Variants in DSC3 observed in about 807,000 individuals in gnomAD.
DSC3 encodes desmocollin 3, also known as desmocollin-3.
DSC3 carries 97 observed loss-of-function variants against 89.5 expected under a neutral mutation model. The ratio of observed to expected loss-of-function variants is 1.08; its 90% confidence interval spans 0.92 to 1.28. The LOEUF (loss-of-function observed/expected upper bound fraction) is 1.28. Ranked by LOEUF, DSC3 falls within the 50% of genes most tolerant of loss-of-function variation. The pLI is 0.00. For synonymous variants in DSC3, 436 were observed against 384.1 expected (o/e 1.14, Z -1.58); for missense variants, 1,199 against 1,085.3 (o/e 1.10, Z -1.47).
In DSC3 at chr18:31,020,357, G is replaced by C. The variant is rs1196538832; in HGVS notation, c.943-1557C>G. 3.3e-5 allele frequency among the ~76,000 whole-genome samples: 5 copies of C among 152,166 alleles called. No homozygotes were observed. In the East Asian group the frequency reaches 9.6e-4, roughly 29 times the overall value. ...AAAGGACACTAAAAAGGAAAGATCA[G>C]AGAAGCAGGAGGAAGACCAGAAGTC... On this transcript the variant is annotated intron_variant, in intron 7 of 15. Coordinates refer to ENST00000360428, the MANE Select transcript of DSC3 (RefSeq NM_001941.5).
chr18:31,008,257 A>T lies in DSC3; in HGVS notation c.1520+12T>A, dbSNP rs78003671. 2,702 of 1,613,580 alleles carry T rather than the reference A, an allele frequency of 1.7e-3. 45 individuals are homozygous for T. The African/African-American group carries it at 0.032, about 19-fold the overall frequency. ...ATACATTATTAGTATGTGGTTATAG[A>T]TTTATTTTTACCTTAAACCATTGCC... On this transcript the variant is annotated intron_variant, in intron 10 of 15. Transcript: ENST00000360428.
intron 1 of DSC3, among the ~76,000 whole-genome samples, chr18:31,036,353 C>T (rs1057435218): frequency 6.6e-6 from 1 of 152,066 alleles, no homozygotes; most frequent in African/African-American, 2.4e-5. Flanking sequence ...TTCTGTAAAT[C>T]ATCTATTCTT....
chr18:30,989,984 T>C lies in DSC3; in HGVS notation c.*4191A>G, dbSNP rs1984178242. ...AAAAAATCAACACAGAAAGAATAAA[T>C]TATCAATTCCATTGTCTGGAAATCA... On this transcript the variant is annotated 3_prime_UTR_variant, in exon 16 of 16. Coordinates refer to ENST00000360428, the MANE Select transcript of DSC3 (RefSeq NM_001941.5). 6.6e-6 allele frequency: 1 copy of C among 152,192 alleles called. No individual in the cohort carries two copies. The highest frequency in any genetic ancestry group is 1.5e-5 in the Non-Finnish European group (1 of 68,032). The allele number at this position is 152,192 out of a possible 1,614,324, so 9.4% of individuals were successfully genotyped here.
chr18:31,040,495 C>T (rs1986096919), intron 1 of DSC3, among the ~76,000 whole-genome samples: 6 of 151,988 alleles, frequency 3.9e-5, no homozygotes, highest in Admixed American at 3.9e-4. Flanking sequence ...TAGTATCTCC[C>T]TGTCATTTTT....
chr18:30,996,906 C>A lies in DSC3; in HGVS notation c.2378G>T (p.Arg793Leu), dbSNP rs138126171. The A allele has an allele frequency of 1.9e-6, 3 of 1,613,906 alleles. No individual in the cohort carries two copies. Among genetic ancestry groups the A allele is most frequent in the Non-Finnish European group, 2.5e-6 (3 of 1,180,016 alleles). Residue 793 changes from arginine (R) to leucine (L), a missense_variant, in exon 15 of 16, where the codon CGG becomes CTG. Arg to Leu is a moderately radical substitution (Grantham distance 102). Transcript: ENST00000360428. ...CAGGGTATGATGATGCCCAGCCCCC[C>A]GGCAGGATTCCAAGGTCTGGTTTCC... ...KGGNQTLESC[R>L]GAGHHHTLDS... is the part of the protein sequence containing the mutation.
intron 4 of DSC3, 109 bp from the exon 5 acceptor site, chr18:31,026,024 A>G: frequency 9.1e-7 from 1 of 1,096,184 alleles, no homozygotes; most frequent in East Asian, 2.6e-5. Flanking sequence ...TTTCAAAAGA[A>G]AAGGTAGAAA....
chr18:31,024,103 C>T (rs1305369747), intron 6 of DSC3, among the ~76,000 whole-genome samples: 1 of 152,064 alleles, frequency 6.6e-6, no homozygotes, highest in Non-Finnish European at 1.5e-5. Flanking sequence ...TTACACAAAG[C>T]TTGAATAACT....
intron 13 of DSC3, among the ~76,000 whole-genome samples, chr18:31,002,485 G>T (rs1314310): frequency 6.6e-6 from 1 of 151,962 alleles, no homozygotes; most frequent in Non-Finnish European, 1.5e-5. Flanking sequence ...TGGATCACCT[G>T]AGATCAGGAG....
At chr18:31,035,123 T>A (rs1985928460) in intron 1 of DSC3, among the ~76,000 whole-genome samples, 1 of 152,130 alleles carries the variant, frequency 6.6e-6, no homozygotes, top group Non-Finnish European at 1.5e-5. Context: ...GTATTTTATT[T>A]CTGATATAAT....
rs1215357995 is a variant in DSC3 at position 30,994,053 on chromosome 18, T to C, written c.*122A>G. 11 of 963,632 alleles carry C rather than the reference T, an allele frequency of 1.1e-5. No homozygotes were observed. The highest frequency in any genetic ancestry group is 1.8e-5 in the Non-Finnish European group (11 of 622,716). The allele number at this position is 963,632 out of a possible 1,614,324, so 59.7% of individuals were successfully genotyped here. ...TGCTTTAAAAATATAAATTGGTGAG[T>C]AGCATAATTCAAAATTGAGAAAAAA... On this transcript the variant is annotated 3_prime_UTR_variant, in exon 16 of 16. Transcript: ENST00000360428.
At chr18:31,005,468 C>T (rs1359642379) in intron 12 of DSC3, among the ~76,000 whole-genome samples, 1 of 152,162 alleles carries the variant, frequency 6.6e-6, no homozygotes, top group Non-Finnish European at 1.5e-5. Context: ...CTGTTGCCTA[C>T]TGTACCAAGG....
At chr18:31,025,255 A>G (rs1439002595) in intron 5 of DSC3, among the ~76,000 whole-genome samples, 10 of 152,262 alleles carry the variant, frequency 6.6e-5, no homozygotes, top group African/African-American at 2.4e-4. Context: ...AAGCTCATCT[A>G]TATCAGAATA....
chr18:30,999,396 C>G (rs1984579320), intron 14 of DSC3, among the ~76,000 whole-genome samples: 1 of 151,568 alleles, frequency 6.6e-6, no homozygotes, highest in Non-Finnish European at 1.5e-5. Context: ...GCAGTGCTAC[C>G]CTACATTTTT....
intron 15 of DSC3, among the ~76,000 whole-genome samples, chr18:30,995,758 G>A (rs2144670908): frequency 6.6e-6 from 1 of 151,988 alleles, no homozygotes; most frequent in East Asian, 1.9e-4. Flanking sequence ...GATCACTTGA[G>A]CCTGGGAATT....
chr18:31,016,688 T>C (rs1383848935), intron 9 of DSC3, among the ~76,000 whole-genome samples: 1 of 152,096 alleles, frequency 6.6e-6, no homozygotes, highest in African/African-American at 2.4e-5. Context: ...CACAGCCCAA[T>C]CCAGAAGTGT....
chr18:31,041,334 T>G (rs1157388836), intron 1 of DSC3, among the ~76,000 whole-genome samples: 2 of 152,388 alleles, frequency 1.3e-5, no homozygotes, highest in South Asian at 4.1e-4. Context: ...AGTCACTTCA[T>G]AAGCTCAGAT....
rs935501925 is a variant in DSC3, at chr18:30,993,488, T to C, written c.*687A>G. On this transcript the variant is annotated 3_prime_UTR_variant, in exon 16 of 16. Coordinates refer to ENST00000360428, the MANE Select transcript of DSC3 (RefSeq NM_001941.5). ...CCCAGGCCTAGGAAGCTCTCTCTTT[T>C]TTCTATTGTAGGACAAACTATACCC... is the stretch of plus-strand genomic sequence containing the variant. The C allele has an allele frequency of 6.3e-4, 96 of 152,254 alleles. No individual in the cohort carries two copies. The highest frequency in any genetic ancestry group is 2.2e-3 in the African/African-American group (92 of 41,466). 9.4% of individuals were successfully genotyped at this position (152,254 alleles called of 1,614,324 possible). A position where few individuals can be genotyped will look rare whatever the true frequency, so the allele number is the denominator to read the frequency against.
chr18:31,042,584 T>C lies in DSC3; in HGVS notation c.69+8A>G. 6.5e-7 allele frequency: 1 copy of C among 1,550,148 alleles called. No individual in the cohort carries two copies. Among genetic ancestry groups the C allele is most frequent in the South Asian group, 1.2e-5 (1 of 84,066 alleles). On this transcript the variant is annotated splice_region_variant and intron_variant, in intron 1 of 15. Coordinates refer to ENST00000360428, the MANE Select transcript of DSC3 (RefSeq NM_001941.5). ...CACCCCAGCCCTATCCGGCGAGATCTGGCTTACCACGAGGGTCAGCAGCAG... is the reference window on the plus strand; with the variant it reads ...CACCCCAGCCCTATCCGGCGAGATCCGGCTTACCACGAGGGTCAGCAGCAG...
chr18:31,024,699 C>T (rs976946402), intron 5 of DSC3, among the ~76,000 whole-genome samples: 5 of 152,066 alleles, frequency 3.3e-5, no homozygotes, highest in Admixed American at 6.6e-5. Flanking sequence ...AAATGGCTAT[C>T]GCAAATAAAA....
Sources: gnomAD v4.1 joint callset for allele counts (sites outside exome capture counted in the v4.1 genomes callset) on GRCh38, gnomAD v4.1.1 for gene constraint, MANE v1.5 for transcripts, NCBI Gene and HGNC (gene_info 2026-07-23, HGNC 2026-07-21) for gene names.